The following CEP72 variants were observed in gnomAD, a reference collection of about 807,000 sequenced individuals.
The protein encoded by CEP72 is centrosomal protein of 72 kDa.
In CEP72, 78 loss-of-function variants were observed where a neutral mutation model predicts 65.7. The observed-to-expected ratio is 1.19, with a 90% CI of 0.99 to 1.43. The LOEUF is 1.43. CEP72 is among the 40% of genes most tolerant of loss of function. The pLI is 0.00. For missense variants in CEP72, 914 were observed against 832.9 expected, an observed-to-expected ratio of 1.10 and a Z score of -1.20; for synonymous variants, 358 against 351.7, an observed-to-expected ratio of 1.02 and a Z score of -0.20.
At chr5:642,319 G>T in intron 9 of CEP72, 3 of 983,900 alleles carry the variant, frequency 3.0e-6, no homozygotes, top group Non-Finnish European at 3.6e-6. Context: ...CCCTCATCTG[G>T]TGGAAGCCTC....
intron 1 of CEP72, chr5:663,357 T>G (rs1338893225): frequency 3.9e-5 from 6 of 152,342 alleles, no homozygotes; most frequent in Admixed American, 3.9e-4. Flanking sequence ...GCCGGTGAGG[T>G]GACATCCTAA....
rs549708339 is a variant in CEP72, at chr5:614,809, C to T, written c.82+2366C>T. Among the ~76,000 whole-genome samples, 32 of 152,282 alleles carry T rather than the reference C, an allele frequency of 2.1e-4. No homozygotes were observed. In the South Asian group the frequency reaches 6.6e-3, roughly 32 times the overall value. On this transcript the variant is annotated intron_variant, in intron 1 of 11. Coordinates refer to ENST00000264935, the MANE Select transcript of CEP72 (RefSeq NM_018140.4). ...TGTCAGGGTTTGTTTTATGATCCAG[C>T]ATCTGGTCTATGTTGTTGAATGTTC...
chr5:658,274 G>T (rs1739435222), downstream of CEP72, among the ~76,000 whole-genome samples: 1 of 152,230 alleles, frequency 6.6e-6, no homozygotes, highest in African/African-American at 2.4e-5. Flanking sequence ...CAAGCAGGCA[G>T]GGCCTGGGCC....
chr5:669,211 G>T (rs946608028), downstream of CEP72, among the ~76,000 whole-genome samples: 2 of 152,174 alleles, frequency 1.3e-5, no homozygotes, highest in African/African-American at 4.8e-5. Flanking sequence ...AGCCACGCAG[G>T]GCACATTCCA....
rs1580049595 is a variant in CEP72, at chr5:653,391, T to C, written c.*238T>C. ...TCAGACAGAACACATTGACATATTTTGAGACAAACTGACTATTAATCTTGT... is the reference window on the plus strand; with the variant it reads ...TCAGACAGAACACATTGACATATTTCGAGACAAACTGACTATTAATCTTGT... On this transcript the variant is annotated 3_prime_UTR_variant, in exon 12 of 12. Coordinates refer to ENST00000264935, the MANE Select transcript of CEP72 (RefSeq NM_018140.4). The C allele has an allele frequency of 5.2e-6, 2 of 384,698 alleles. No homozygotes were observed. Among genetic ancestry groups the C allele is most frequent in the African/African-American group, 2.1e-5 (1 of 48,614 alleles). The allele number at this position is 384,698 out of a possible 1,614,324, so 23.8% of individuals were successfully genotyped here.
chr5:614,483 C>G (rs1212860631), intron 1 of CEP72, among the ~76,000 whole-genome samples: 1 of 126,084 alleles, frequency 7.9e-6, no homozygotes, highest in Non-Finnish European at 1.6e-5. Flanking sequence ...GAGTCTCGCT[C>G]TGTCACCCAG....
chr5:671,283 G>A (rs1158123443), downstream of CEP72, among the ~76,000 whole-genome samples: 2 of 152,154 alleles, frequency 1.3e-5, no homozygotes, highest in Non-Finnish European at 2.9e-5. Flanking sequence ...TCACCGCCCT[G>A]TGGACATCAC....
Position 624,702 on chromosome 5 carries a change from A to G in CEP72, c.512+123A>G. 2.7e-6 allele frequency: 2 copies of G among 733,422 alleles called. No individual in the cohort carries two copies. Among genetic ancestry groups the G allele is most frequent in the Non-Finnish European group, 4.9e-6 (2 of 410,452 alleles). 45.4% of individuals were successfully genotyped at this position (733,422 alleles called of 1,614,324 possible). On this transcript the variant is annotated intron_variant, in intron 4 of 11. Transcript: ENST00000264935. This position sits in a 1 kb window ranked among gnomAD's most constrained non-coding sequence, Gnocchi z 4.7. ...CAGGGGCGGACACCAGGAGGGAGGA[A>G]GGGCAGAGCCTGCCTGGCGGGGACT...
intron 4 of CEP72, among the ~76,000 whole-genome samples, chr5:628,216 T>A (rs1015658632): frequency 1.3e-5 from 2 of 152,242 alleles, no homozygotes; most frequent in Non-Finnish European, 2.9e-5. Flanking sequence ...TCAGTTGAGA[T>A]TGTCCACAGT....
chr5:665,017 G>A (rs1414317494), intron 2 of CEP72: 2 of 1,485,218 alleles, frequency 1.3e-6, no homozygotes, highest in African/African-American at 2.7e-5. Flanking sequence ...TTCTGCCCCA[G>A]TTAGTACAGG....
At chr5:672,867 G>A in the CEP72 span, among the ~76,000 whole-genome samples, 1 of 152,246 alleles carries the variant, frequency 6.6e-6, no homozygotes, top group Non-Finnish European at 1.5e-5. Context: ...AAGGCTGCAA[G>A]AAATTTGTTT....
intron 9 of CEP72, chr5:642,445 C>G: frequency 1.0e-6 from 1 of 985,490 alleles, no homozygotes; most frequent in Non-Finnish European, 1.2e-6. Flanking sequence ...GGAAAGTGAG[C>G]TGGGCGCCGT....
chr5:644,453 T>C (rs374570569), intron 10 of CEP72, 28 bp downstream of exon 10: 20 of 1,611,742 alleles, frequency 1.2e-5, no homozygotes, highest in Admixed American at 1.7e-5. Flanking sequence ...TTGGTCACTT[T>C]GTAAACTTTA....
intron 11 of CEP72, among the ~76,000 whole-genome samples, chr5:649,135 C>T (rs62639485): frequency 8.7e-6 from 1 of 114,322 alleles, no homozygotes; most frequent in African/African-American, 3.2e-5. Flanking sequence ...TGAGGCGTGA[C>T]TGTGAGGCGT....
Position 635,580 on chromosome 5 carries a change from C to A in CEP72, c.900C>A (p.His300Gln), listed in dbSNP as rs762202105. ...APRPHTYFTPHPDSMDTEDSA... is the reference protein window; with the variant it reads ...APRPHTYFTPQPDSMDTEDSA... Reference sequence around the variant, plus strand: ...GGCCACACACGTACTTCACCCCACACCCAGGTACTTACGCGTGTCTTAGTC... The same window carrying A: ...GGCCACACACGTACTTCACCCCACAACCAGGTACTTACGCGTGTCTTAGTC... The change falls in exon 6 of 12, where the codon CAC (histidine) becomes CAA (glutamine). Residue 300 changes from histidine (H) to glutamine (Q), a missense_variant. Physicochemically the swap from His to Gln is conservative, Grantham distance 24. Transcript: ENST00000264935. 1.9e-6 allele frequency: 3 copies of A among 1,609,838 alleles called. No homozygotes were observed. The highest frequency in any genetic ancestry group is 3.3e-5 in the Admixed American group (2 of 60,010).
chr5:651,071 T>C (rs1359999871), intron 11 of CEP72, among the ~76,000 whole-genome samples: 2 of 61,912 alleles, frequency 3.2e-5, no homozygotes, highest in African/African-American at 1.1e-4. Flanking sequence ...GACTGTGAGG[T>C]GTGACTGTGA....
In CEP72 at chr5:645,022, C is replaced by T. The variant is rs564918337; in HGVS notation, c.1666+597C>T. Among the ~76,000 whole-genome samples, 11 of 152,036 alleles carry T rather than the reference C, an allele frequency of 7.2e-5. No individual in the cohort carries two copies. Among genetic ancestry groups the T allele is most frequent in the South Asian group, 2.1e-4 (1 of 4,796 alleles). On this transcript the variant is annotated intron_variant, in intron 10 of 11. Coordinates refer to ENST00000264935, the MANE Select transcript of CEP72 (RefSeq NM_018140.4). The surrounding 1 kb of genome is among the most constrained non-coding windows in gnomAD (Gnocchi z 4.0). Reference sequence around the variant, plus strand: ...AAATGCTGATGGAGTCTGCTGTCCACGGTAACCTTCTCGGTGTGGCGTGGA... The same window carrying T: ...AAATGCTGATGGAGTCTGCTGTCCATGGTAACCTTCTCGGTGTGGCGTGGA...
At chr5:616,796 GTGTGTGTGTGTGTGTGTGTA>G (rs997255238) in intron 1 of CEP72, among the ~76,000 whole-genome samples, 5 of 127,664 alleles carry the variant, frequency 3.9e-5, no homozygotes, top group East Asian at 2.0e-4. Flanking sequence ...TGGACGAGGG[GTGTGTGTGTGTGTGTGTGTA>G]TGTGTGTGTG....
intron 11 of CEP72, among the ~76,000 whole-genome samples, chr5:648,796 G>A (rs1738645712): frequency 2.0e-5 from 2 of 99,744 alleles, no homozygotes; most frequent in Non-Finnish European, 2.4e-5. Flanking sequence ...AGGTGTGACT[G>A]TGAGGCGTGG....
Sources: allele counts gnomAD v4.1 joint callset (sites outside exome capture counted in the v4.1 genomes callset), GRCh38; gene constraint gnomAD v4.1.1; non-coding constraint Gnocchi (gnomAD v3.1); transcripts MANE v1.5; gene names NCBI Gene and HGNC (gene_info 2026-07-23, HGNC 2026-07-21).